Variants in TBC1D5 observed in about 807,000 individuals in gnomAD.
TBC1D5 encodes TBC1 domain family member 5.
TBC1D5 carries 75 observed loss-of-function variants against 100.3 expected under a neutral mutation model. The observed-to-expected ratio is 0.75, with a 90% CI of 0.62 to 0.91. TBC1D5 has a LOEUF of 0.91. TBC1D5 is among the 40% of genes least tolerant of loss of function. The probability of loss-of-function intolerance (pLI) is 0.00; values close to 1 mark genes in which losing one functional copy is unlikely to be tolerated. For synonymous variants in TBC1D5, 323 were observed against 325.6 expected (o/e 0.99, Z 0.09); for missense variants, 910 against 942.4 (o/e 0.97, Z 0.45).
chr3:17,242,627 T>A (rs1368265277), intron 16 of TBC1D5, among the ~76,000 whole-genome samples: 1 of 152,094 alleles, frequency 6.6e-6, no homozygotes, highest in Admixed American at 6.5e-5. Context: ...AAGTTTTCTC[T>A]CATTTTCTAA....
chr3:17,335,629 T>A (rs762791752), intron 13 of TBC1D5, among the ~76,000 whole-genome samples: 4 of 152,154 alleles, frequency 2.6e-5, no homozygotes, highest in Non-Finnish European at 5.9e-5. Context: ...GAACACAAAC[T>A]AAATAGGCAT....
intron 1 of TBC1D5, among the ~76,000 whole-genome samples, chr3:17,675,004 A>G (rs113665523): frequency 6.6e-6 from 1 of 152,258 alleles, no homozygotes; most frequent in African/African-American, 2.4e-5. Context: ...TACAGCAGAA[A>G]CTTACTATCT....
chr3:17,618,841 G>A (rs971978815), intron 2 of TBC1D5, among the ~76,000 whole-genome samples: 14 of 152,152 alleles, frequency 9.2e-5, no homozygotes, highest in Admixed American at 7.9e-4. Context: ...GGAAATCCTC[G>A]ACCCCTTGCA....
chr3:17,383,980 A>T, exon 9 of TBC1D5: 7 of 1,600,446 alleles, frequency 4.4e-6, no homozygotes, highest in Non-Finnish European at 6.0e-6. Context: ...AATTTTTCTC[A>T]CATTTTCTTG....
chr3:17,262,478 G>GTTTT (rs746293280), intron 15 of TBC1D5, among the ~76,000 whole-genome samples: 3 of 114,966 alleles, frequency 2.6e-5, no homozygotes, highest in African/African-American at 3.4e-5. Context: ...CCAAAACAAT[G>GTTTT]TTTTTTTTTT....
chr3:17,364,620 T>C (rs533195928), intron 13 of TBC1D5, among the ~76,000 whole-genome samples: 1 of 152,212 alleles, frequency 6.6e-6, no homozygotes, highest in Non-Finnish European at 1.5e-5. Context: ...AAGAAGCATA[T>C]AGTTGGATAT....
chr3:17,313,894 A>G (rs1054038249), intron 13 of TBC1D5, among the ~76,000 whole-genome samples: 3 of 152,188 alleles, frequency 2.0e-5, no homozygotes, highest in African/African-American at 7.2e-5. Context: ...TTCCATTCCT[A>G]AACAGCAGCA....
At chr3:17,619,570 T>A (rs958828229) in intron 2 of TBC1D5, among the ~76,000 whole-genome samples, 9 of 152,342 alleles carry the variant, frequency 5.9e-5, no homozygotes, top group African/African-American at 2.2e-4. Flanking sequence ...TCAATGTTTC[T>A]CATATCATAC....
chr3:17,683,022 C>G (rs1208561041), intron 1 of TBC1D5, among the ~76,000 whole-genome samples: 3 of 151,384 alleles, frequency 2.0e-5, no homozygotes. Flanking sequence ...AGATCTTTTC[C>G]TCTTAGTCTC....
At chr3:17,704,321 C>T (rs1258011316) in intron 1 of TBC1D5, among the ~76,000 whole-genome samples, 2 of 151,372 alleles carry the variant, frequency 1.3e-5, no homozygotes, top group Non-Finnish European at 3.0e-5. Context: ...ATGTCTACTT[C>T]TTTCTACACA....
chr3:17,170,205 C>A (rs550138500), intron 19 of TBC1D5, among the ~76,000 whole-genome samples: 2 of 152,326 alleles, frequency 1.3e-5, no homozygotes, highest in East Asian at 3.9e-4. Flanking sequence ...TGGCACACAG[C>A]ACCGGATGCT....
chr3:17,485,030 T>C (rs1576293712), intron 3 of TBC1D5, among the ~76,000 whole-genome samples: 1 of 152,148 alleles, frequency 6.6e-6, no homozygotes, highest in African/African-American at 2.4e-5. Flanking sequence ...ATGAAAATTA[T>C]ATTAGAGAAT....
In TBC1D5 at chr3:17,214,068, A is replaced by G. The variant is rs1485272896; in HGVS notation, c.1752+139T>C. The G allele has an allele frequency of 3.7e-6, 3 of 812,096 alleles. No individual in the cohort carries two copies. The East Asian group carries it at 9.4e-5, about 25-fold the overall frequency. The allele number at this position is 812,096 out of a possible 1,614,324, so 50.3% of individuals were successfully genotyped here. On this transcript the variant is annotated intron_variant, in intron 18 of 21. Coordinates refer to ENST00000253692, the Ensembl canonical transcript of TBC1D5. ...TATTACTAAAGTAAAATAATAAAAT[A>G]CTTTTGATAAAATAATTCCTTTTAG... is the stretch of plus-strand genomic sequence containing the variant.
chr3:17,306,043 G>A (rs2083361601), intron 14 of TBC1D5, among the ~76,000 whole-genome samples: 1 of 152,100 alleles, frequency 6.6e-6, no homozygotes, highest in Non-Finnish European at 1.5e-5. Flanking sequence ...CTCTCCCTTT[G>A]TACTCTAATA....
rs558511940 is a variant in TBC1D5 at position 17,406,657 on chromosome 3, T to C, written c.168-131A>G. On this transcript the variant is annotated intron_variant, in intron 4 of 21. Coordinates refer to ENST00000253692, the Ensembl canonical transcript of TBC1D5. ...TTTAAAACATATATATTTAGTTGTG[T>C]ACTGTTTCTGAACGCATGGCTGTCT... 6 of 711,118 alleles carry C rather than the reference T, an allele frequency of 8.4e-6. No homozygotes were observed. In the Admixed American group the frequency reaches 1.8e-4, roughly 21 times the overall value. 44.1% of individuals were successfully genotyped at this position (711,118 alleles called of 1,614,324 possible). A position where few individuals can be genotyped will look rare whatever the true frequency, so the allele number is the denominator to read the frequency against.
chr3:17,159,109 G>A (rs1490359010), exon 22 of TBC1D5: 1 of 152,218 alleles, frequency 6.6e-6, no homozygotes, highest in Non-Finnish European at 1.5e-5. Context: ...CAGAAGCCAG[G>A]GAGCTACTGT....
At chr3:17,201,920 T>C (rs1335185113) in intron 18 of TBC1D5, among the ~76,000 whole-genome samples, 1 of 152,196 alleles carries the variant, frequency 6.6e-6, no homozygotes, top group African/African-American at 2.4e-5. Flanking sequence ...AGAAAATTGG[T>C]ACTAGGAGTG....
chr3:17,681,192 A>G (rs2069414057), intron 1 of TBC1D5, among the ~76,000 whole-genome samples: 1 of 151,572 alleles, frequency 6.6e-6, no homozygotes, highest in Admixed American at 6.6e-5. Context: ...GAGGCAGAAT[A>G]CATGGGTAGT....
intron 2 of TBC1D5, among the ~76,000 whole-genome samples, chr3:17,509,972 T>G (rs991705370): frequency 1.3e-5 from 2 of 152,040 alleles, no homozygotes; most frequent in Non-Finnish European, 2.9e-5. Flanking sequence ...GTCCCTAAGA[T>G]GCAAATTATC....
Sources: gnomAD v4.1 joint callset for allele counts (sites outside exome capture counted in the v4.1 genomes callset) on GRCh38, gnomAD v4.1.1 for gene constraint, MANE v1.5 for transcripts, NCBI Gene and HGNC (gene_info 2026-07-23, HGNC 2026-07-21) for gene names.